Variants in SOD2 observed in about 807,000 individuals in gnomAD.
SOD2 encodes the protein superoxide dismutase [Mn], mitochondrial.
SOD2 carries 11 observed loss-of-function variants against 27.0 expected under a neutral mutation model. The observed-to-expected ratio is 0.41, with a 90% CI of 0.26 to 0.67. The LOEUF is 0.67. Ranked by LOEUF, SOD2 falls within the 30% of genes least tolerant of loss-of-function variation. The probability of loss-of-function intolerance (pLI) is 0.34; values close to 1 mark genes in which losing one functional copy is unlikely to be tolerated. For synonymous variants in SOD2, 105 were observed against 103.0 expected (o/e 1.02, Z -0.12); for missense variants, 250 against 274.5 (o/e 0.91, Z 0.63).
At chr6:159,737,071 A>G (rs1405201703) in intron 1 of SOD2, among the ~76,000 whole-genome samples, 1 of 152,188 alleles carries the variant, frequency 6.6e-6, no homozygotes, top group Non-Finnish European at 1.5e-5. Context: ...CCCTTGGAAC[A>G]GGGTCTTGCT....
chr6:159,749,690 T>A (rs1293831571), upstream of SOD2, among the ~76,000 whole-genome samples: 4 of 152,168 alleles, frequency 2.6e-5, no homozygotes, highest in Non-Finnish European at 5.9e-5. Context: ...CTTCACAGGG[T>A]GTCTGCCAGA....
At position 159,688,009 on chromosome 6, in the gene SOD2, T is replaced by A. The variant is rs746875561; in HGVS notation, c.343+117A>T. 2.9e-5 allele frequency: 20 copies of A among 694,406 alleles called. No homozygotes were observed. In the Middle Eastern group the frequency reaches 1.6e-3, roughly 55 times the overall value. 43.0% of individuals were successfully genotyped at this position (694,406 alleles called of 1,614,324 possible). On this transcript the variant is annotated intron_variant, in intron 3 of 4. Transcript: ENST00000538183. The stretch of plus-strand genomic sequence containing the variant: ...CTGGGCAACAAGAGCAAAACTCTTG[T>A]CTCAAAAAAACAACAACAAAAAAAA...
intron 1 of SOD2, among the ~76,000 whole-genome samples, chr6:159,711,964 CACCTCCATAACCACCACTCACACT>C: frequency 8.7e-6 from 1 of 115,378 alleles, no homozygotes; most frequent in Non-Finnish European, 1.9e-5. Context: ...TCACCATAAC[CACCTCCATAACCACCACTCACACT>C]GCTCAGACCT....
intron 1 of SOD2, 116 bp from the exon 2 acceptor site, chr6:159,692,979 C>A (rs1777304423): frequency 1.5e-6 from 2 of 1,342,252 alleles, no homozygotes; most frequent in Non-Finnish European, 2.0e-6. Flanking sequence ...CCCCTCCCTG[C>A]GGATCCCCGC....
At chr6:159,755,255 A>C (rs1779958800) in intron 1 of SOD2, 1 of 1,614,214 alleles carries the variant, frequency 6.2e-7, no homozygotes, top group Non-Finnish European at 8.5e-7. Flanking sequence ...CGGACCAAGT[A>C]ATGGTAGCTC....
At chr6:159,700,620 C>T (rs989189502) in intron 1 of SOD2, among the ~76,000 whole-genome samples, 5 of 147,540 alleles carry the variant, frequency 3.4e-5, no homozygotes, top group Admixed American at 2.7e-4. Flanking sequence ...CGTCACTGCA[C>T]TCCAGTCTTG....
intron 1 of SOD2, among the ~76,000 whole-genome samples, chr6:159,712,647 C>G (rs1446156858): frequency 1.4e-5 from 2 of 147,710 alleles, no homozygotes; most frequent in Non-Finnish European, 3.0e-5. Flanking sequence ...ATAACCACCA[C>G]TCACAATGCT....
chr6:159,727,566 G>A (rs1250380716), upstream of SOD2: 2 of 988,408 alleles, frequency 2.0e-6, no homozygotes, highest in African/African-American at 1.8e-5. Context: ...CAGGGGTTGC[G>A]GCGGGACTAG....
chr6:159,736,176 T>C, intron 1 of SOD2: 1 of 1,328,086 alleles, frequency 7.5e-7, no homozygotes, highest in Non-Finnish European at 1.1e-6. Flanking sequence ...AATAAATTGA[T>C]TTGAAAGAGT....
chr6:159,737,591 A>G (rs542723421), intron 1 of SOD2, among the ~76,000 whole-genome samples: 2 of 152,120 alleles, frequency 1.3e-5, no homozygotes, highest in South Asian at 4.1e-4. Flanking sequence ...ACCCCAGCTT[A>G]TGCGATCCTC....
chr6:159,705,973 A>G (rs1317176760), intron 1 of SOD2, among the ~76,000 whole-genome samples: 2 of 152,216 alleles, frequency 1.3e-5, no homozygotes, highest in African/African-American at 4.8e-5. Flanking sequence ...CAACGTTTTT[A>G]AAGAAAAGAA....
exon 1 of SOD2, chr6:159,762,025 T>A: frequency 6.3e-7 from 1 of 1,590,634 alleles, no homozygotes. Context: ...GCCTGTGGGC[T>A]GCGAGGAGGA....
intron 1 of SOD2, among the ~76,000 whole-genome samples, chr6:159,744,496 T>A (rs1275482936): frequency 4.0e-5 from 6 of 149,650 alleles, no homozygotes; most frequent in African/African-American, 1.5e-4. Flanking sequence ...ATTCTGGTCA[T>A]TGGAGACACC....
In SOD2 at chr6:159,681,951, A is replaced by G. The variant is rs1476474345; in HGVS notation, c.*542T>C. On this transcript the variant is annotated 3_prime_UTR_variant, in exon 5 of 5. Coordinates refer to ENST00000538183, the MANE Select transcript of SOD2 (RefSeq NM_000636.4). ...CCAGTTCAGTTCACCTGCTACATTT[A>G]AACAGTATACAGCTCTATTTGCAAA... is the stretch of plus-strand genomic sequence containing the variant. 1 of 152,244 alleles carries G rather than the reference A, an allele frequency of 6.6e-6. No homozygotes were observed. The highest frequency in any genetic ancestry group is 1.5e-5 in the Non-Finnish European group (1 of 68,064). The allele number at this position is 152,244 out of a possible 1,614,324, so 9.4% of individuals were successfully genotyped here.
intron 1 of SOD2, among the ~76,000 whole-genome samples, chr6:159,700,456 C>T (rs1220146134): frequency 6.6e-6 from 1 of 152,074 alleles, no homozygotes; most frequent in African/African-American, 2.4e-5. Context: ...CGATCGAGAC[C>T]ATCCTGGCTG....
At chr6:159,717,998 C>CG (rs1562441314) in intron 1 of SOD2, among the ~76,000 whole-genome samples, 62 of 151,128 alleles carry the variant, frequency 4.1e-4, no homozygotes, top group African/African-American at 1.5e-3. Flanking sequence ...CTCCTTTTCT[C>CG]TTTCTTTCTG....
chr6:159,676,044 G>A lies in SOD2; in HGVS notation c.*6449C>T, dbSNP rs1307203623. On this transcript the variant is annotated 3_prime_UTR_variant, in exon 5 of 5. Transcript: ENST00000538183. Reference sequence around the variant, plus strand: ...GAGAAATGCAAATCAAAACCACAATGAGATACCATCTCACACCAGTTAGAA... The same window carrying A: ...GAGAAATGCAAATCAAAACCACAATAAGATACCATCTCACACCAGTTAGAA... The A allele has an allele frequency of 1.3e-5, 2 of 152,166 alleles. No individual in the cohort carries two copies. The highest frequency in any genetic ancestry group is 1.9e-4 in the East Asian group (1 of 5,196). The allele number at this position is 152,166 out of a possible 1,614,324, so 9.4% of individuals were successfully genotyped here.
intron 1 of SOD2, among the ~76,000 whole-genome samples, chr6:159,757,417 CTCTTTTTTTTTTTT>C: frequency 8.6e-6 from 1 of 115,626 alleles, no homozygotes; most frequent in African/African-American, 2.6e-5. Context: ...TTTTCTTTTT[CTCTTTTTTTTTTTT>C]GCCGAGAGTC....
chr6:159,690,058 C>T (rs1452921521), intron 2 of SOD2, among the ~76,000 whole-genome samples: 3 of 149,842 alleles, frequency 2.0e-5, no homozygotes, highest in Non-Finnish European at 3.0e-5. Flanking sequence ...CTGAGATGGG[C>T]GGATCACTTG....
Sources: allele counts gnomAD v4.1 joint callset (sites outside exome capture counted in the v4.1 genomes callset), GRCh38; gene constraint gnomAD v4.1.1; transcripts MANE v1.5; gene names NCBI Gene and HGNC (gene_info 2026-07-23, HGNC 2026-07-21).